The following PLCG2 variants were observed in gnomAD, a reference collection of about 807,000 sequenced individuals.
The protein encoded by PLCG2 is phospholipase C gamma 2.
PLCG2 carries 69 observed loss-of-function variants against 175.6 expected under a neutral mutation model. The observed-to-expected ratio is 0.39, with a 90% CI of 0.32 to 0.48. The LOEUF (loss-of-function observed/expected upper bound fraction) is 0.48. Ranked by LOEUF, PLCG2 falls within the 20% of genes least tolerant of loss-of-function variation. PLCG2 has a pLI of 0.91. For missense variants in PLCG2, 1,798 were observed against 1,650.9 expected (o/e 1.09, Z -1.54); for synonymous variants, 827 against 624.0 (o/e 1.33, Z -4.85).
chr16:81,776,211 C>A (rs1471632565), upstream of PLCG2, among the ~76,000 whole-genome samples: 2 of 150,722 alleles, frequency 1.3e-5, no homozygotes, highest in African/African-American at 4.9e-5. Flanking sequence ...TGGGTTCAGG[C>A]CATTCTCCTG....
At chr16:81,914,208 G>T (rs771990702) in intron 19 of PLCG2, among the ~76,000 whole-genome samples, 1 of 152,226 alleles carries the variant, frequency 6.6e-6, no homozygotes, top group Non-Finnish European at 1.5e-5. Flanking sequence ...AACCCAACTG[G>T]CTGAAACTGA....
At chr16:81,753,707 C>A (rs754736107) in intron 1 of PLCG2, among the ~76,000 whole-genome samples, 14 of 152,206 alleles carry the variant, frequency 9.2e-5, no homozygotes, top group Non-Finnish European at 1.9e-4. Flanking sequence ...CTGCACCCAG[C>A]AGTGCTGACT....
At chr16:81,823,964 CT>C (rs1260740486) in intron 2 of PLCG2, among the ~76,000 whole-genome samples, 4 of 141,446 alleles carry the variant, frequency 2.8e-5, no homozygotes, top group Non-Finnish European at 4.5e-5. Context: ...TTTCCCTTTC[CT>C]TCCTTCCTTC....
intron 2 of PLCG2, among the ~76,000 whole-genome samples, chr16:81,766,460 CCA>C (rs1910152131): frequency 6.8e-6 from 1 of 147,436 alleles, no homozygotes; most frequent in East Asian, 2.0e-4. Context: ...CCTCACTTAG[CCA>C]GCGCCTCCTC....
intron 2 of PLCG2, among the ~76,000 whole-genome samples, chr16:81,847,204 G>A (rs1906166585): frequency 6.6e-6 from 1 of 152,154 alleles, no homozygotes; most frequent in African/African-American, 2.4e-5. Context: ...TATTACAAAA[G>A]ATAAAGATGA....
chr16:81,783,871 G>C (rs1910854411), intron 1 of PLCG2, among the ~76,000 whole-genome samples: 1 of 152,210 alleles, frequency 6.6e-6, no homozygotes, highest in Non-Finnish European at 1.5e-5. Context: ...CCTAGCCTTT[G>C]CTTAAACTTA....
At chr16:81,913,394 G>T (rs1345411029) in intron 19 of PLCG2, among the ~76,000 whole-genome samples, 1 of 152,242 alleles carries the variant, frequency 6.6e-6, no homozygotes, top group Non-Finnish European at 1.5e-5. Context: ...GCTACAGCCT[G>T]TGAGAGGTAG....
chr16:81,772,185 G>C (rs1910296195), intron 2 of PLCG2, among the ~76,000 whole-genome samples: 1 of 152,146 alleles, frequency 6.6e-6, no homozygotes, highest in Non-Finnish European at 1.5e-5. Context: ...GTTCTTACCA[G>C]AGAAAGGAGA....
At chr16:81,805,372 G>C (rs1456775539) in intron 2 of PLCG2, among the ~76,000 whole-genome samples, 1 of 151,502 alleles carries the variant, frequency 6.6e-6, no homozygotes, top group Non-Finnish European at 1.5e-5. Flanking sequence ...GGTGTCGGGT[G>C]CCTATAGTCC....
intron 19 of PLCG2, among the ~76,000 whole-genome samples, chr16:81,918,014 C>T (rs1046019294): frequency 1.1e-4 from 17 of 152,208 alleles, no homozygotes; most frequent in African/African-American, 1.9e-4. Context: ...TGAGCCACCA[C>T]GCCCGGCCTT....
rs1909792576 is a variant in PLCG2, at chr16:81,750,671, T to TTTTTTTTTTTTTTTTTTG, written c.-144-5185_-144-5184insTTTGTTTTTTTTTTTTTT. ...CAGAATGGGGACTGGAGATTTTTTTTTTTTTTTTTTTTTTGAGATAGAGTC... is the reference window on the plus strand; with the variant it reads ...CAGAATGGGGACTGGAGATTTTTTTTTTTTTTTTTTTTTTTTTGTTTTTTTTTTTTTTGAGATAGAGTC... On this transcript the variant is annotated intron_variant, in intron 1 of 5. Transcript: ENST00000565054. 2.0e-5 allele frequency among the ~76,000 whole-genome samples: 2 copies of TTTTTTTTTTTTTTTTTTG among 100,054 alleles called. 1 individual carries two copies. Among genetic ancestry groups the TTTTTTTTTTTTTTTTTTG allele is most frequent in the Non-Finnish European group, 4.2e-5 (2 of 48,178 alleles). The allele number at this position is 100,054 out of a possible 152,430, so 65.6% of individuals were successfully genotyped here. A position where few individuals can be genotyped will look rare whatever the true frequency, so the allele number is the denominator to read the frequency against.
At chr16:81,915,565 T>C (rs1487393013) in intron 19 of PLCG2, among the ~76,000 whole-genome samples, 14 of 152,218 alleles carry the variant, frequency 9.2e-5, no homozygotes, top group Admixed American at 9.2e-4. Context: ...TGTGGGTTGA[T>C]TTCATTTATG....
In PLCG2 at chr16:81,954,547, C is replaced by A. The variant is rs570602913; in HGVS notation, c.3571-2148C>A. On this transcript the variant is annotated intron_variant, in intron 31 of 32. Transcript: ENST00000564138. ...TGTGTTGTTGCCCTCCCTGTGTCCT[C>A]ATTGTTCAACTCCCACTTATGAGTG... Among the ~76,000 whole-genome samples, 3 of 152,330 alleles carry A rather than the reference C, an allele frequency of 2.0e-5. No homozygotes were observed. In the South Asian group the frequency reaches 6.2e-4, roughly 32 times the overall value.
In PLCG2 at chr16:81,934,490, T is replaced by C. The variant is rs772415250; in HGVS notation, c.2801T>C (p.Val934Ala). 1 of 1,613,550 alleles carries C rather than the reference T, an allele frequency of 6.2e-7. No homozygotes were observed. Among genetic ancestry groups the C allele is most frequent in the Non-Finnish European group, 8.5e-7 (1 of 1,179,656 alleles). Reference protein sequence around the residue: ...QSIAIELSDLVVYCKPTSKTK... With the variant: ...QSIAIELSDLAVYCKPTSKTK... Reference sequence around the variant, plus strand: ...ATCGCCATCGAGCTCTCTGACCTGGTTGTCTACTGCAAACCAACCAGCAAA... The same window carrying C: ...ATCGCCATCGAGCTCTCTGACCTGGCTGTCTACTGCAAACCAACCAGCAAA... Residue 934 changes from valine to alanine, a missense_variant, in exon 26 of 33, where the codon GTT becomes GCT. Coordinates refer to ENST00000564138, the MANE Select transcript of PLCG2 (RefSeq NM_002661.5).
At chr16:81,849,144 C>T (rs1036681880) in intron 2 of PLCG2, among the ~76,000 whole-genome samples, 1 of 152,088 alleles carries the variant, frequency 6.6e-6, no homozygotes, top group Admixed American at 6.5e-5. Flanking sequence ...GTCCTTACAG[C>T]AATGGGACGT....
At chr16:81,805,252 C>T (rs182680945) in intron 2 of PLCG2, among the ~76,000 whole-genome samples, 10 of 152,284 alleles carry the variant, frequency 6.6e-5, no homozygotes, top group African/African-American at 1.9e-4. Flanking sequence ...GTAATCCCAG[C>T]ACTTTGGGAG....
At chr16:81,862,395 A>G (rs1333313397) in intron 5 of PLCG2, among the ~76,000 whole-genome samples, 2 of 152,202 alleles carry the variant, frequency 1.3e-5, no homozygotes, top group Admixed American at 6.5e-5. Flanking sequence ...TCCTTAGGAT[A>G]TGCTCTTGGC....
In PLCG2 at chr16:81,883,954, C is replaced by T. The variant is rs544754997; in HGVS notation, c.765+613C>T. Among the ~76,000 whole-genome samples the T allele has an allele frequency of 9.2e-4, 140 of 152,292 alleles. 1 individual carries two copies. The highest frequency in any genetic ancestry group is 3.2e-3 in the African/African-American group (132 of 41,572). On this transcript the variant is annotated intron_variant, in intron 9 of 32. Coordinates refer to ENST00000564138, the MANE Select transcript of PLCG2 (RefSeq NM_002661.5). Reference sequence around the variant, plus strand: ...GCAGTGTCCAGAGACGACATGGGTGCGTGTCACAGCGGGAGGCTGCTGCCG... The same window carrying T: ...GCAGTGTCCAGAGACGACATGGGTGTGTGTCACAGCGGGAGGCTGCTGCCG...
chr16:81,946,276 AC>A lies in PLCG2; in HGVS notation c.3570+14del. On this transcript the variant is annotated intron_variant, in intron 31 of 32. Transcript: ENST00000564138. ...GCGGCCAGTCCTGGTGAGTGGAGAA[AC>A]ACCAGTTAAGGGTTCCCTGAGCTAT... is the stretch of plus-strand genomic sequence containing the variant. 1 of 1,597,196 alleles carries A rather than the reference AC, an allele frequency of 6.3e-7. No individual in the cohort carries two copies. Among genetic ancestry groups the A allele is most frequent in the Non-Finnish European group, 8.6e-7 (1 of 1,164,710 alleles).
Sources: allele counts gnomAD v4.1 joint callset (sites outside exome capture counted in the v4.1 genomes callset), GRCh38; gene constraint gnomAD v4.1.1; transcripts MANE v1.5; gene names NCBI Gene and HGNC (gene_info 2026-07-23, HGNC 2026-07-21).